Variants in NKAIN3 observed in about 807,000 individuals in gnomAD.
NKAIN3 encodes sodium/potassium transporting ATPase interacting 3.
NKAIN3 carries 25 observed loss-of-function variants against 30.2 expected under a neutral mutation model. That is an observed-to-expected ratio of 0.83 (90% confidence interval 0.60 to 1.16). The LOEUF (loss-of-function observed/expected upper bound fraction) is 1.16. Among genes scored for constraint, NKAIN3 ranks in the 50% most tolerant of loss-of-function variants. The pLI is 0.00. For synonymous variants in NKAIN3, 91 were observed against 89.6 expected, an observed-to-expected ratio of 1.02 and a Z score of -0.09; for missense variants, 225 against 254.1, an observed-to-expected ratio of 0.89 and a Z score of 0.78.
At chr8:62,839,100 G>A (rs1819454171) in intron 4 of NKAIN3, among the ~76,000 whole-genome samples, 1 of 151,932 alleles carries the variant, frequency 6.6e-6, no homozygotes, top group Non-Finnish European at 1.5e-5. Flanking sequence ...GCAGAAATCA[G>A]ACAGTGATGC....
intron 3 of NKAIN3, among the ~76,000 whole-genome samples, chr8:62,696,227 T>G (rs1814150199): frequency 6.6e-6 from 1 of 152,220 alleles, no homozygotes; most frequent in Non-Finnish European, 1.5e-5. Flanking sequence ...GTTAAACTTT[T>G]AAATTATTGT....
chr8:62,625,415 C>T (rs1028817716), intron 3 of NKAIN3, among the ~76,000 whole-genome samples: 6 of 152,078 alleles, frequency 3.9e-5, no homozygotes, highest in African/African-American at 1.4e-4. Flanking sequence ...AGACTCCTCC[C>T]ACTCAGGTTT....
chr8:62,777,219 T>G (rs1489359990), intron 4 of NKAIN3, among the ~76,000 whole-genome samples: 11 of 152,190 alleles, frequency 7.2e-5, no homozygotes, highest in Admixed American at 7.2e-4. Context: ...TTTCCTGTAC[T>G]TGAATATTGA....
At chr8:62,896,716 C>G (rs577074448) in intron 4 of NKAIN3, among the ~76,000 whole-genome samples, 1 of 152,148 alleles carries the variant, frequency 6.6e-6, no homozygotes, top group South Asian at 2.1e-4. Flanking sequence ...TTAAGTGGCT[C>G]TAGCTGGGAT....
chr8:62,588,572 T>C (rs960766850), intron 2 of NKAIN3, among the ~76,000 whole-genome samples: 3 of 151,818 alleles, frequency 2.0e-5, no homozygotes, highest in African/African-American at 7.2e-5. Context: ...AGTTAAAAGC[T>C]TCTGATAAAG....
At chr8:62,959,288 G>A (rs764090763) in intron 6 of NKAIN3, among the ~76,000 whole-genome samples, 1 of 152,190 alleles carries the variant, frequency 6.6e-6, no homozygotes, top group Non-Finnish European at 1.5e-5. Flanking sequence ...TGATCAGGCT[G>A]TAGGACAGAT....
intron 1 of NKAIN3, among the ~76,000 whole-genome samples, chr8:62,467,762 TTTTA>T (rs1462313845): frequency 2.0e-5 from 3 of 152,008 alleles, no homozygotes; most frequent in Non-Finnish European, 4.4e-5. Context: ...AGAGTTTTTA[TTTTA>T]TTTATTTATT....
At chr8:62,581,882 ACCCT>A (rs1810310014) in intron 2 of NKAIN3, among the ~76,000 whole-genome samples, 1 of 6,532 alleles carries the variant, frequency 1.5e-4, no homozygotes, top group African/African-American at 6.5e-4. Context: ...CCTTCCTTCT[ACCCT>A]TCCTCCCTCC....
At chr8:62,292,137 A>C (rs1366823900) in intron 1 of NKAIN3, among the ~76,000 whole-genome samples, 1 of 151,988 alleles carries the variant, frequency 6.6e-6, no homozygotes, top group Non-Finnish European at 1.5e-5. Flanking sequence ...GTATCTCTGC[A>C]TGTGAGATGG....
intron 6 of NKAIN3, among the ~76,000 whole-genome samples, chr8:62,957,776 AATG>A (rs1270666182): frequency 6.6e-6 from 1 of 152,192 alleles, no homozygotes; most frequent in Non-Finnish European, 1.5e-5. Context: ...ATGACATTGG[AATG>A]ATGGACATAT....
chr8:62,407,764 G>C (rs750384490), intron 1 of NKAIN3, among the ~76,000 whole-genome samples: 1 of 152,160 alleles, frequency 6.6e-6, no homozygotes, highest in Non-Finnish European at 1.5e-5. Flanking sequence ...TAATGTTTAG[G>C]CTCATGCCTG....
chr8:62,836,458 G>A (rs902241848), intron 4 of NKAIN3, among the ~76,000 whole-genome samples: 3 of 151,900 alleles, frequency 2.0e-5, no homozygotes, highest in African/African-American at 7.3e-5. Context: ...AATGTATAGG[G>A]AAGATTTCAT....
chr8:62,523,627 G>A (rs1301174098), intron 1 of NKAIN3, among the ~76,000 whole-genome samples: 2 of 152,128 alleles, frequency 1.3e-5, no homozygotes, highest in Non-Finnish European at 2.9e-5. Context: ...AGGAGCAGGA[G>A]AAGGAAAATG....
intron 1 of NKAIN3, among the ~76,000 whole-genome samples, chr8:62,268,476 G>C (rs1812674589): frequency 6.6e-6 from 1 of 152,122 alleles, no homozygotes; most frequent in Admixed American, 6.6e-5. Context: ...CTCTCAGCAA[G>C]AAGGACTGGA....
chr8:62,598,728 G>A (rs1224914901), intron 3 of NKAIN3, among the ~76,000 whole-genome samples: 2 of 151,980 alleles, frequency 1.3e-5, no homozygotes, highest in South Asian at 2.1e-4. Flanking sequence ...ACACTGTGTT[G>A]GAGGGACAAC....
At chr8:62,800,469 C>G in intron 4 of NKAIN3, among the ~76,000 whole-genome samples, 1 of 152,012 alleles carries the variant, frequency 6.6e-6, no homozygotes, top group East Asian at 1.9e-4. Context: ...ATGCTATGAC[C>G]TCAGATCTAT....
intron 3 of NKAIN3, among the ~76,000 whole-genome samples, chr8:62,603,143 T>C (rs116342609): frequency 0.017 from 2,593 of 152,252 alleles, 73 homozygotes; most frequent in African/African-American, 0.059. Context: ...ATAAGTGACA[T>C]TAAGATTTGG....
At chr8:62,744,718 G>A (rs1034878668) in intron 3 of NKAIN3, among the ~76,000 whole-genome samples, 2 of 152,142 alleles carry the variant, frequency 1.3e-5, no homozygotes, top group East Asian at 1.9e-4. Context: ...ATTGCCTTGC[G>A]TTAAACTGAA....
intron 1 of NKAIN3, among the ~76,000 whole-genome samples, chr8:62,396,118 C>T (rs2129594934): frequency 6.6e-6 from 1 of 152,258 alleles, no homozygotes; most frequent in African/African-American, 2.4e-5. Context: ...AAACCTTAAT[C>T]CTTTAGTGTA....
Sources: gnomAD v4.1 joint callset for allele counts (sites outside exome capture counted in the v4.1 genomes callset) on GRCh38, gnomAD v4.1.1 for gene constraint, MANE v1.5 for transcripts, NCBI Gene and HGNC (gene_info 2026-07-23, HGNC 2026-07-21) for gene names.